GALNT7: variants seen among roughly 807,000 people sequenced by gnomAD.
GALNT7 encodes polypeptide N-acetylgalactosaminyltransferase 7.
GALNT7 carries 60 observed loss-of-function variants against 82.1 expected under a neutral mutation model. The observed-to-expected ratio is 0.73, with a 90% confidence interval of 0.59 to 0.91. GALNT7 has a LOEUF of 0.91. Ranked by LOEUF, GALNT7 falls within the 40% of genes least tolerant of loss-of-function variation. The pLI is 0.00. For missense variants in GALNT7, 660 were observed against 804.2 expected, an observed-to-expected ratio of 0.82 and a Z score of 2.17; for synonymous variants, 243 against 275.1, an observed-to-expected ratio of 0.88 and a Z score of 1.15.
chr4:173,250,925 C>T (rs937875616), intron 2 of GALNT7, among the ~76,000 whole-genome samples: 1 of 152,218 alleles, frequency 6.6e-6, no homozygotes, highest in Admixed American at 6.5e-5. Context: ...GCCTCTCTTG[C>T]ACTTCTCTAA....
At chr4:173,174,643 C>T (rs928947673) in intron 1 of GALNT7, among the ~76,000 whole-genome samples, 9 of 152,130 alleles carry the variant, frequency 5.9e-5, no homozygotes, top group Non-Finnish European at 7.3e-5. Flanking sequence ...TCCCTAAGAC[C>T]TCATGAAGAA....
At position 173,298,214 on chromosome 4, in the gene GALNT7, A is replaced by G. The variant is rs1736792257; in HGVS notation, c.1065A>G (p.Ala355=). ...GGDEDGYARG[A]WDWSMLWKRV... ...ATGAAGATGGGTATGCCCGAGGAGCATGGGATTGGAGTATGCTCTGGAAAC... is the reference window on the plus strand; with the variant it reads ...ATGAAGATGGGTATGCCCGAGGAGCGTGGGATTGGAGTATGCTCTGGAAAC... Residue 355 remains alanine, a synonymous_variant, in exon 6 of 12, where the codon GCA becomes GCG. Transcript: ENST00000265000. 2 of 1,613,656 alleles carry G rather than the reference A, an allele frequency of 1.2e-6. No homozygotes were observed. The highest frequency in any genetic ancestry group is 1.7e-6 in the Non-Finnish European group (2 of 1,179,822).
At chr4:173,237,467 A>G (rs531693694) in intron 1 of GALNT7, among the ~76,000 whole-genome samples, 1 of 152,362 alleles carries the variant, frequency 6.6e-6, no homozygotes, top group East Asian at 1.9e-4. Context: ...TCAAAAGGGT[A>G]TAACAAACAT....
intron 1 of GALNT7, among the ~76,000 whole-genome samples, chr4:173,227,510 T>G (rs1229673986): frequency 1.3e-5 from 2 of 152,148 alleles, no homozygotes; most frequent in Non-Finnish European, 2.9e-5. Context: ...TTTTTTTATT[T>G]TTAGTAGAGA....
chr4:173,220,060 CTT>C (rs1206064047), intron 1 of GALNT7, among the ~76,000 whole-genome samples: 1 of 152,146 alleles, frequency 6.6e-6, no homozygotes, highest in Non-Finnish European at 1.5e-5. Flanking sequence ...GTCATGAAGT[CTT>C]TGCCTAACAA....
intron 2 of GALNT7, among the ~76,000 whole-genome samples, chr4:173,276,082 C>G (rs1205395816): frequency 6.6e-6 from 1 of 152,142 alleles, no homozygotes; most frequent in Non-Finnish European, 1.5e-5. Flanking sequence ...GACTTTCAGC[C>G]TTAAATAGAG....
rs137985350 is a variant in GALNT7 at position 173,286,581 on chromosome 4, C to T, written c.588-5527C>T. Among the ~76,000 whole-genome samples the T allele has an allele frequency of 1.6e-3, 237 of 152,356 alleles. 2 individuals carry two copies. The highest frequency in any genetic ancestry group is 6.3e-4 in the Non-Finnish European group (43 of 68,030). On this transcript the variant is annotated intron_variant, in intron 2 of 11. Transcript: ENST00000265000. ...AAGCTTCAGCCAGAATTCCCAGGGC[C>T]ATTTCCTTCTTTTCTGAAGCATAGA...
rs546430000 is a variant in GALNT7 at position 173,199,944 on chromosome 4, G to A, written c.126+30983G>A. Among the ~76,000 whole-genome samples the A allele has an allele frequency of 7.2e-5, 11 of 152,276 alleles. 1 individual carries two copies. Among genetic ancestry groups the A allele is most frequent in the Admixed American group, 7.2e-4 (11 of 15,306 alleles). On this transcript the variant is annotated intron_variant, in intron 1 of 11. Coordinates refer to ENST00000265000, the MANE Select transcript of GALNT7 (RefSeq NM_017423.3). ...CCATGTTCCTTTTGAATCAACAAAA[G>A]TTAAAGTCTTCCTGGAATAGTTTTA...
chr4:173,206,221 TC>T (rs1175736193), intron 1 of GALNT7, among the ~76,000 whole-genome samples: 1 of 152,114 alleles, frequency 6.6e-6, no homozygotes, highest in African/African-American at 2.4e-5. Flanking sequence ...TCTCTCTCCT[TC>T]CCCCATACTG....
At chr4:173,278,307 A>G (rs1343739068) in intron 2 of GALNT7, among the ~76,000 whole-genome samples, 1 of 152,240 alleles carries the variant, frequency 6.6e-6, no homozygotes, top group Non-Finnish European at 1.5e-5. Context: ...CCCGTGGAGA[A>G]GAGAAATAAA....
At chr4:173,226,986 G>A (rs942128741) in intron 1 of GALNT7, among the ~76,000 whole-genome samples, 3 of 152,002 alleles carry the variant, frequency 2.0e-5, no homozygotes, top group Admixed American at 1.3e-4. Context: ...ATTTTCTTTG[G>A]TTAATAATTT....
intron 6 of GALNT7, among the ~76,000 whole-genome samples, chr4:173,299,016 A>G (rs1056789887): frequency 1.3e-5 from 2 of 152,226 alleles, no homozygotes; most frequent in Non-Finnish European, 2.9e-5. Flanking sequence ...GTCTCTGTAA[A>G]AAGTGACCCC....
At chr4:173,281,720 C>T (rs1486819329) in intron 2 of GALNT7, among the ~76,000 whole-genome samples, 1 of 152,210 alleles carries the variant, frequency 6.6e-6, no homozygotes, top group African/African-American at 2.4e-5. Context: ...AGGCTGCGCA[C>T]AAATCCGTTC....
intron 1 of GALNT7, among the ~76,000 whole-genome samples, chr4:173,189,370 C>T (rs1306857633): frequency 6.6e-6 from 1 of 152,190 alleles, no homozygotes; most frequent in African/African-American, 2.4e-5. Context: ...TTAAGTGGTT[C>T]CTTGACTCCA....
intron 1 of GALNT7, among the ~76,000 whole-genome samples, chr4:173,206,194 A>G (rs1429154557): frequency 2.0e-5 from 3 of 152,184 alleles, no homozygotes; most frequent in Admixed American, 2.0e-4. Flanking sequence ...GATCCAAAGC[A>G]AAGTCTAGTG....
intron 1 of GALNT7, among the ~76,000 whole-genome samples, chr4:173,181,942 A>G (rs1482090949): frequency 6.6e-6 from 1 of 152,192 alleles, no homozygotes; most frequent in Non-Finnish European, 1.5e-5. Context: ...ACTATGACTA[A>G]ATGGAAAGTG....
At chr4:173,286,360 G>A (rs1736322005) in intron 2 of GALNT7, among the ~76,000 whole-genome samples, 1 of 152,200 alleles carries the variant, frequency 6.6e-6, no homozygotes. Flanking sequence ...TTGTCTGTTA[G>A]CCAGGGACTT....
At chr4:173,188,170 A>G (rs1250820275) in intron 1 of GALNT7, among the ~76,000 whole-genome samples, 1 of 152,260 alleles carries the variant, frequency 6.6e-6, no homozygotes, top group Non-Finnish European at 1.5e-5. Flanking sequence ...GTATGTTTAC[A>G]TTCTTAATTT....
At chr4:173,221,867 A>C (rs963574627) in intron 1 of GALNT7, among the ~76,000 whole-genome samples, 13 of 152,210 alleles carry the variant, frequency 8.5e-5, no homozygotes, top group Non-Finnish European at 1.3e-4. Flanking sequence ...GATTTATTCA[A>C]CTTTCCCCAT....
Sources: allele counts gnomAD v4.1 joint callset (sites outside exome capture counted in the v4.1 genomes callset), GRCh38; gene constraint gnomAD v4.1.1; transcripts MANE v1.5; gene names NCBI Gene and HGNC (gene_info 2026-07-23, HGNC 2026-07-21).